The following MAP2 variants were observed in gnomAD, a reference collection of about 807,000 sequenced individuals.
MAP2 encodes the protein microtubule-associated protein 2.
MAP2 carries 14 observed loss-of-function variants against 137.6 expected under a neutral mutation model. The ratio of observed to expected loss-of-function variants is 0.10; its 90% confidence interval spans 0.07 to 0.16. The LOEUF (loss-of-function observed/expected upper bound fraction) is 0.16. MAP2 is among the 10% of genes least tolerant of loss of function. MAP2 has a pLI of 1.00. For synonymous variants in MAP2, 786 were observed against 782.3 expected, an observed-to-expected ratio of 1.00 and a Z score of -0.08; for missense variants, 2,088 against 2,191.5, an observed-to-expected ratio of 0.95 and a Z score of 0.94.
chr2:209,662,906 C>G (rs2044353625), intron 5 of MAP2, among the ~76,000 whole-genome samples: 1 of 151,844 alleles, frequency 6.6e-6, no homozygotes, highest in South Asian at 2.1e-4. Flanking sequence ...GCTCAAATAT[C>G]TTGAGACTAT....
At chr2:209,657,421 A>G (rs76481965) in intron 5 of MAP2, among the ~76,000 whole-genome samples, 1,561 of 152,304 alleles carry the variant, frequency 0.01, 21 homozygotes, top group African/African-American at 0.036. Context: ...CTTTTTCTCT[A>G]TAGCATTGTT....
chr2:209,628,228 G>A (rs2092607796), intron 4 of MAP2, among the ~76,000 whole-genome samples: 2 of 152,138 alleles, frequency 1.3e-5, no homozygotes. Context: ...AGCCGGGCAT[G>A]GTGGCACGTG....
chr2:209,661,487 G>C, intron 5 of MAP2: 2 of 984,764 alleles, frequency 2.0e-6, no homozygotes, highest in East Asian at 1.1e-4. Flanking sequence ...GTGCAGAGCA[G>C]AGTTATTTAG....
chr2:209,664,892 G>A (rs1025091642), intron 5 of MAP2, among the ~76,000 whole-genome samples: 7 of 150,038 alleles, frequency 4.7e-5, no homozygotes, highest in African/African-American at 1.7e-4. Flanking sequence ...CCCAGGAGGC[G>A]GAGGTTGCAT....
At position 209,695,415 on chromosome 2, in the gene MAP2, C is replaced by A; in HGVS notation, c.3245C>A (p.Ser1082Tyr). ...GCTACACAGGACATGACCCCCTCAT[C>A]CAAAGCACCGCAGGAGGCAGATGCA... ...LEATQDMTPSSKAPQEADAFM... is the reference protein window; with the variant it reads ...LEATQDMTPSYKAPQEADAFM... The change falls in exon 8 of 16, where the codon TCC becomes TAC. Residue 1082 changes from serine to tyrosine, a missense_variant. By Grantham distance (144) the Ser-to-Tyr change is moderately radical (BLOSUM62 -2). Around this residue, in one of 6 missense-constraint regions of MAP2, gnomAD observed 500 missense variants for 482.9 expected, o/e 1.04. Transcript: ENST00000682079. 6.2e-7 allele frequency: 1 copy of A among 1,613,078 alleles called. No individual in the cohort carries two copies. Among genetic ancestry groups the A allele is most frequent in the Non-Finnish European group, 8.5e-7 (1 of 1,179,598 alleles).
chr2:209,480,328 A>G (rs1015691136), intron 1 of MAP2, among the ~76,000 whole-genome samples: 9 of 152,102 alleles, frequency 5.9e-5, no homozygotes, highest in Non-Finnish European at 4.4e-5. Flanking sequence ...ATTCGGAGGG[A>G]AACTATTAGG....
At chr2:209,674,718 C>G (rs181222882) in intron 5 of MAP2, among the ~76,000 whole-genome samples, 194 of 151,892 alleles carry the variant, frequency 1.3e-3, no homozygotes, top group Non-Finnish European at 2.3e-3. Flanking sequence ...TAATCACACA[C>G]ATCATAATCA....
intron 3 of MAP2, among the ~76,000 whole-genome samples, chr2:209,604,584 C>G (rs1358644511): frequency 7.2e-5 from 11 of 152,080 alleles, no homozygotes; most frequent in Admixed American, 7.2e-4. Context: ...AAAAGGATTT[C>G]TGTAAAACAG....
At chr2:209,424,906 A>T (rs1312870139) in intron 1 of MAP2, among the ~76,000 whole-genome samples, 2 of 151,304 alleles carry the variant, frequency 1.3e-5, no homozygotes, top group Admixed American at 1.3e-4. Context: ...TTTCTTTTTA[A>T]ACGTTGGGGG....
chr2:209,457,011 A>G, intron 1 of MAP2, among the ~76,000 whole-genome samples: 1 of 152,190 alleles, frequency 6.6e-6, no homozygotes, highest in Non-Finnish European at 1.5e-5. Context: ...ATCAAAAGAA[A>G]TTAGGTGGAT....
chr2:209,634,952 AGGAAG>A, intron 4 of MAP2, among the ~76,000 whole-genome samples: 1 of 152,202 alleles, frequency 6.6e-6, no homozygotes, highest in East Asian at 1.9e-4. Context: ...AAAATTAGCT[AGGAAG>A]GTTGCACCTG....
chr2:209,715,830 T>C (rs1366526086), intron 13 of MAP2, among the ~76,000 whole-genome samples: 1 of 152,144 alleles, frequency 6.6e-6, no homozygotes, highest in Non-Finnish European at 1.5e-5. Flanking sequence ...GTATAGAAAG[T>C]TTATGCTATT....
intron 12 of MAP2, among the ~76,000 whole-genome samples, chr2:209,706,820 A>G (rs2063568757): frequency 6.6e-6 from 1 of 152,168 alleles, no homozygotes; most frequent in Admixed American, 6.6e-5. Context: ...TTGGCATTTA[A>G]ACAGTGTTTT....
intron 5 of MAP2, among the ~76,000 whole-genome samples, chr2:209,677,160 G>T (rs947713908): frequency 2.0e-5 from 3 of 151,838 alleles, no homozygotes; most frequent in Non-Finnish European, 4.4e-5. Context: ...TAGCATAGCA[G>T]ATAATCCTCC....
chr2:209,573,777 C>T (rs902398636), intron 2 of MAP2, among the ~76,000 whole-genome samples: 1 of 152,234 alleles, frequency 6.6e-6, no homozygotes, highest in East Asian at 1.9e-4. Flanking sequence ...TTAGTTGTCA[C>T]TCTCCATTAC....
chr2:209,537,854 T>C (rs999715210), intron 2 of MAP2, among the ~76,000 whole-genome samples: 37 of 152,326 alleles, frequency 2.4e-4, no homozygotes, highest in African/African-American at 8.9e-4. Flanking sequence ...ATTTCCTTTA[T>C]AGTCTGTTGC....
intron 5 of MAP2, among the ~76,000 whole-genome samples, chr2:209,670,279 A>G (rs1005826517): frequency 5.3e-5 from 8 of 152,012 alleles, no homozygotes; most frequent in African/African-American, 1.9e-4. Context: ...ACATTACTCC[A>G]TTGGACACCC....
chr2:209,618,667 T>A (rs1330042987), intron 3 of MAP2, among the ~76,000 whole-genome samples: 1 of 152,172 alleles, frequency 6.6e-6, no homozygotes, highest in Non-Finnish European at 1.5e-5. Context: ...AAGGAGACAC[T>A]TGCCCACTGT....
intron 3 of MAP2, among the ~76,000 whole-genome samples, chr2:209,589,745 C>T (rs1404093088): frequency 6.6e-6 from 1 of 152,144 alleles, no homozygotes. Context: ...ATTCATTGTT[C>T]AGTTCTGAGT....
Sources: allele counts gnomAD v4.1 joint callset (sites outside exome capture counted in the v4.1 genomes callset), GRCh38; gene constraint gnomAD v4.1.1; regional missense constraint gnomAD v4.1.1; transcripts MANE v1.5; gene names NCBI Gene and HGNC (gene_info 2026-07-23, HGNC 2026-07-21).